Variants in HMGCLL1 observed in about 807,000 individuals in gnomAD.
HMGCLL1 encodes the protein 3-hydroxy-3-methylglutaryl-CoA lyase like 1.
In HMGCLL1, 36 loss-of-function variants were observed where a neutral mutation model predicts 39.1. The ratio of observed to expected loss-of-function variants is 0.92; its 90% CI spans 0.71 to 1.22. The LOEUF (loss-of-function observed/expected upper bound fraction) is 1.22. Ranked by LOEUF, HMGCLL1 falls within the 50% of genes most tolerant of loss-of-function variation. The pLI, the probability that HMGCLL1 is intolerant of heterozygous loss-of-function variation, is 0.00. For synonymous variants in HMGCLL1, 149 were observed against 144.0 expected, an observed-to-expected ratio of 1.03 and a Z score of -0.25; for missense variants, 451 against 416.5, an observed-to-expected ratio of 1.08 and a Z score of -0.72.
At chr6:55,562,980 C>G (rs1193884664) in intron 1 of HMGCLL1, among the ~76,000 whole-genome samples, 1 of 151,884 alleles carries the variant, frequency 6.6e-6, no homozygotes, top group African/African-American at 2.4e-5. Context: ...GTAAATATGT[C>G]CATATATAAA....
At chr6:55,539,876 A>AAGAAAG (rs1019245678) in intron 3 of HMGCLL1, among the ~76,000 whole-genome samples, 1 of 108,994 alleles carries the variant, frequency 9.2e-6, no homozygotes, top group Admixed American at 8.7e-5. Context: ...GAAAGAAAGA[A>AAGAAAG]AGAAAGAAAG....
intron 6 of HMGCLL1, 69 bp downstream of exon 6, chr6:55,499,167 G>T: frequency 8.1e-7 from 1 of 1,241,766 alleles, no homozygotes; most frequent in East Asian, 2.4e-5. Context: ...TAAATATTAA[G>T]AAAGCCCCCT....
At chr6:55,575,069 A>G (rs916955563) in intron 1 of HMGCLL1, among the ~76,000 whole-genome samples, 1 of 152,178 alleles carries the variant, frequency 6.6e-6, no homozygotes, top group Admixed American at 6.5e-5. Context: ...TGAAAATCAA[A>G]GGGGGATCGC....
At chr6:55,547,066 C>G (rs577453653) in intron 1 of HMGCLL1, among the ~76,000 whole-genome samples, 16 of 151,990 alleles carry the variant, frequency 1.1e-4, no homozygotes, top group Non-Finnish European at 2.1e-4. Context: ...GGTAGGCAGA[C>G]CTGAAAGAGA....
chr6:55,677,663 C>T, the HMGCLL1 span, among the ~76,000 whole-genome samples: 1 of 152,102 alleles, frequency 6.6e-6, no homozygotes, highest in Non-Finnish European at 1.5e-5. Context: ...AGGGTGATAC[C>T]TGTTATCAAA....
chr6:55,507,748 T>C (rs1274103990), intron 5 of HMGCLL1, among the ~76,000 whole-genome samples: 1 of 151,808 alleles, frequency 6.6e-6, no homozygotes, highest in African/African-American at 2.4e-5. Flanking sequence ...ATTTGTTCTC[T>C]TATGTTCAAT....
intron 1 of HMGCLL1, among the ~76,000 whole-genome samples, chr6:55,556,486 A>G (rs1267015331): frequency 6.6e-6 from 1 of 152,172 alleles, no homozygotes; most frequent in Non-Finnish European, 1.5e-5. Context: ...CCAGAAGACC[A>G]GTGTTAGATG....
intron 1 of HMGCLL1, among the ~76,000 whole-genome samples, chr6:55,576,248 G>T (rs1388566879): frequency 6.6e-6 from 1 of 152,198 alleles, no homozygotes; most frequent in Non-Finnish European, 1.5e-5. Context: ...GAGGGCGGAA[G>T]ATTAATTAGA....
the HMGCLL1 span, among the ~76,000 whole-genome samples, chr6:55,642,296 T>A: frequency 6.6e-6 from 1 of 151,560 alleles, no homozygotes. Flanking sequence ...ATTTTCTTAA[T>A]CCAGTCTATC....
At chr6:55,645,068 T>C in the HMGCLL1 span, among the ~76,000 whole-genome samples, 1 of 152,030 alleles carries the variant, frequency 6.6e-6, no homozygotes, top group East Asian at 1.9e-4. Flanking sequence ...CCTCTCAATT[T>C]CTTTCATCAG....
intron 7 of HMGCLL1, among the ~76,000 whole-genome samples, chr6:55,447,446 A>G (rs1561885716): frequency 6.6e-6 from 1 of 152,044 alleles, no homozygotes; most frequent in East Asian, 1.9e-4. Context: ...AATCAAAATA[A>G]TTAGACTTCT....
chr6:55,667,771 G>T, the HMGCLL1 span, among the ~76,000 whole-genome samples: 1 of 151,690 alleles, frequency 6.6e-6, no homozygotes, highest in African/African-American at 2.4e-5. Context: ...TAAAATACCT[G>T]TTAATTTTAC....
chr6:55,511,084 C>A (rs1767434560), intron 5 of HMGCLL1, among the ~76,000 whole-genome samples: 1 of 151,866 alleles, frequency 6.6e-6, no homozygotes. Context: ...ATAGATATTT[C>A]TTTCAATAAA....
At chr6:55,672,134 T>C in the HMGCLL1 span, among the ~76,000 whole-genome samples, 1 of 151,758 alleles carries the variant, frequency 6.6e-6, no homozygotes, top group African/African-American at 2.4e-5. Flanking sequence ...ATGCATTATT[T>C]TTTCAAATAT....
chr6:55,594,227 A>G, the HMGCLL1 span, among the ~76,000 whole-genome samples: 1 of 152,062 alleles, frequency 6.6e-6, no homozygotes, highest in African/African-American at 2.4e-5. Context: ...CAGTTGATTT[A>G]TTTTTCTTCT....
intron 7 of HMGCLL1, among the ~76,000 whole-genome samples, chr6:55,474,761 G>A (rs2127406070): frequency 6.6e-6 from 1 of 151,676 alleles, no homozygotes; most frequent in African/African-American, 2.4e-5. Context: ...GGCTGTAAGT[G>A]TGAGATTATA....
At chr6:55,471,693 A>G (rs1765054019) in intron 7 of HMGCLL1, among the ~76,000 whole-genome samples, 1 of 151,540 alleles carries the variant, frequency 6.6e-6, no homozygotes, top group Non-Finnish European at 1.5e-5. Flanking sequence ...TTTTTTTAAA[A>G]TAAGCTATTA....
chr6:55,678,153 G>A, the HMGCLL1 span, among the ~76,000 whole-genome samples: 2 of 152,184 alleles, frequency 1.3e-5, no homozygotes, highest in East Asian at 3.9e-4. Context: ...TCTTATGGCT[G>A]GCATTTTGAG....
At chr6:55,476,449 T>A (rs1352029784) in intron 7 of HMGCLL1, among the ~76,000 whole-genome samples, 1 of 151,666 alleles carries the variant, frequency 6.6e-6, no homozygotes, top group African/African-American at 2.4e-5. Context: ...GTATTGATTT[T>A]AATAGTATAC....
Sources: gnomAD v4.1 joint callset for allele counts (sites outside exome capture counted in the v4.1 genomes callset) on GRCh38, gnomAD v4.1.1 for gene constraint, MANE v1.5 for transcripts, NCBI Gene and HGNC (gene_info 2026-07-23, HGNC 2026-07-21) for gene names.